The following PBX2 variants were observed in gnomAD, a reference collection of about 807,000 sequenced individuals.
PBX2 encodes the protein PBX homeobox 2.
Under a neutral mutation model 46.5 loss-of-function variants are expected in PBX2, and 10 were observed. The ratio of observed to expected loss-of-function variants is 0.21; its 90% CI spans 0.13 to 0.36. PBX2 has a LOEUF of 0.36. PBX2 is among the 10% of genes least tolerant of loss of function. The pLI, the probability that PBX2 is intolerant of heterozygous loss-of-function variation, is 1.00. For missense variants in PBX2, 392 were observed against 580.5 expected, an observed-to-expected ratio of 0.68 and a Z score of 3.34; for synonymous variants, 160 against 222.5, an observed-to-expected ratio of 0.72 and a Z score of 2.50.
Position 32,187,887 on chromosome 6 carries a change from C to T in PBX2, c.734+79G>A. On this transcript the variant is annotated intron_variant, in intron 4 of 8. Transcript: ENST00000375050. The surrounding 1 kb of genome is among the most constrained non-coding windows in gnomAD (Gnocchi z 7.7). ...CATTGTCATGGAGTACCATGTTGTG[C>T]AGCATGGCAGCTCAGGGTCTTGGAG... 1 of 1,537,154 alleles carries T rather than the reference C, an allele frequency of 6.5e-7. No homozygotes were observed. The highest frequency in any genetic ancestry group is 8.8e-7 in the Non-Finnish European group (1 of 1,136,802).
In PBX2 at chr6:32,186,339, C is replaced by T. The variant is rs541749455; in HGVS notation, c.*43G>A. On this transcript the variant is annotated 3_prime_UTR_variant, in exon 9 of 9. Transcript: ENST00000375050. The surrounding 1 kb of genome is among the most constrained non-coding windows in gnomAD (Gnocchi z 4.2). ...CTGGAAGCCTGCGTCCTCTTCAAGT[C>T]GCCTTGTGAGAGCCCCCACCCCTGT... 7.0e-6 allele frequency: 10 copies of T among 1,421,542 alleles called. No individual in the cohort carries two copies. Among genetic ancestry groups the T allele is most frequent in the South Asian group, 3.5e-5 (3 of 86,062 alleles). The allele number at this position is 1,421,542 out of a possible 1,614,324, so 88.1% of individuals were successfully genotyped here.
Position 32,187,361 on chromosome 6 carries a change from T to C in PBX2, c.905A>G (p.Tyr302Cys), listed in dbSNP as rs976556563. 6.2e-7 allele frequency: 1 copy of C among 1,613,088 alleles called. No individual in the cohort carries two copies. The highest frequency in any genetic ancestry group is 1.6e-4 in the Middle Eastern group (1 of 6,062). Residue 302 changes from tyrosine to cysteine, a missense_variant, in exon 6 of 9, where the codon TAT (tyrosine) becomes TGT (cysteine). By Grantham distance (194) the Tyr-to-Cys change is radical. Transcript: ENST00000375050. This position sits in a 1 kb window ranked among gnomAD's most constrained non-coding sequence, Gnocchi z 7.7. ...SNWFGNKRIRYKKNIGKFQEE... is the reference protein window; with the variant it reads ...SNWFGNKRIRCKKNIGKFQEE... Reference sequence around the variant, plus strand: ...TTGGAACTTTCCGATGTTTTTCTTATAGCGAATCCTCTTGTTGCCAAACCA... The same window carrying C: ...TTGGAACTTTCCGATGTTTTTCTTACAGCGAATCCTCTTGTTGCCAAACCA...
Position 32,186,540 on chromosome 6 carries a change from A to G in PBX2, c.1200+64T>C. ...GGGAACCCTGTGTGGGCACAACATT[A>G]CTAGGGAAAATGCCCCTCTGTCCTG... On this transcript the variant is annotated intron_variant, in intron 8 of 8. Transcript: ENST00000375050. This position sits in a 1 kb window ranked among gnomAD's most constrained non-coding sequence, Gnocchi z 4.2. The G allele has an allele frequency of 1.3e-6, 2 of 1,566,048 alleles. No homozygotes were observed. Among genetic ancestry groups the G allele is most frequent in the Non-Finnish European group, 1.8e-6 (2 of 1,136,228 alleles).
Position 32,186,318 on chromosome 6 carries a change from A to T in PBX2, c.*64T>A. On this transcript the variant is annotated 3_prime_UTR_variant, in exon 9 of 9. Coordinates refer to ENST00000375050, the MANE Select transcript of PBX2 (RefSeq NM_002586.5). The surrounding 1 kb of genome is among the most constrained non-coding windows in gnomAD (Gnocchi z 4.2). Reference sequence around the variant, plus strand: ...TCCTGTATTGGGGTTTGTCCTCTGGAAGCCTGCGTCCTCTTCAAGTCGCCT... The same window carrying T: ...TCCTGTATTGGGGTTTGTCCTCTGGTAGCCTGCGTCCTCTTCAAGTCGCCT... 1 of 1,165,116 alleles carries T rather than the reference A, an allele frequency of 8.6e-7. No individual in the cohort carries two copies. Among genetic ancestry groups the T allele is most frequent in the Non-Finnish European group, 1.3e-6 (1 of 784,720 alleles). The allele number at this position is 1,165,116 out of a possible 1,614,324, so 72.2% of individuals were successfully genotyped here. A position where few individuals can be genotyped will look rare whatever the true frequency, so the allele number is the denominator to read the frequency against.
At position 32,188,939 on chromosome 6, in the gene PBX2, G is replaced by A. The variant is rs1190035006; in HGVS notation, c.222-143C>T. 5.9e-6 allele frequency: 4 copies of A among 680,448 alleles called. No homozygotes were observed. The highest frequency in any genetic ancestry group is 1.1e-5 in the Non-Finnish European group (4 of 376,862). 42.2% of individuals were successfully genotyped at this position (680,448 alleles called of 1,614,324 possible). A position where few individuals can be genotyped will look rare whatever the true frequency, so the allele number is the denominator to read the frequency against. ...GTGGAATGAGTTGGGGGTGGAATGA[G>A]GAGTTCTTGGGAAAAGATCAGCTCC... On this transcript the variant is annotated intron_variant, in intron 1 of 8. Transcript: ENST00000375050. This position sits in a 1 kb window ranked among gnomAD's most constrained non-coding sequence, Gnocchi z 6.5.
Position 32,186,473 on chromosome 6 carries a change from G to C in PBX2, c.1202C>G (p.Ala401Gly). 1 of 1,613,232 alleles carries C rather than the reference G, an allele frequency of 6.2e-7. No homozygotes were observed. The highest frequency in any genetic ancestry group is 1.1e-5 in the South Asian group (1 of 91,066). Residue 401 changes from alanine (A) to glycine (G), a missense_variant and splice_region_variant, in exon 9 of 9, where the codon GCA becomes GGA. Coordinates refer to ENST00000375050, the MANE Select transcript of PBX2 (RefSeq NM_002586.5). The surrounding 1 kb of genome is among the most constrained non-coding windows in gnomAD (Gnocchi z 4.2). ...CACAGCCTCTTGCCAGCTGCCATTT[G>C]CCTGAAAGGAGAGACAGAGTACAGA... ...GQMYSPREMR[A>G]NGSWQEAVTP...
chr6:32,186,939 G>A lies in PBX2; in HGVS notation c.1025-38C>T, dbSNP rs777608183. ...GAGAGGGAAGAGTGTAATAGAGCCC[G>A]TGATGGTAGAGGATGAACCACAACT... On this transcript the variant is annotated intron_variant, in intron 6 of 8. Transcript: ENST00000375050. The surrounding 1 kb of genome is among the most constrained non-coding windows in gnomAD (Gnocchi z 4.2). 21 of 1,551,354 alleles carry A rather than the reference G, an allele frequency of 1.4e-5. No homozygotes were observed. Among genetic ancestry groups the A allele is most frequent in the Admixed American group, 3.3e-5 (2 of 59,780 alleles).
At position 32,188,523 on chromosome 6, in the gene PBX2, G is replaced by A. The variant is rs1787249533; in HGVS notation, c.296-19C>T. ...CTGAGGCCTAGCATGCAGGCGAGTG[G>A]ACTTAGGGACCCAGAGACCCCAATA... On this transcript the variant is annotated intron_variant, in intron 2 of 8. Transcript: ENST00000375050. The surrounding 1 kb of genome is among the most constrained non-coding windows in gnomAD (Gnocchi z 6.5). 6.2e-7 allele frequency: 1 copy of A among 1,610,778 alleles called. No individual in the cohort carries two copies. The highest frequency in any genetic ancestry group is 1.7e-5 in the Admixed American group (1 of 59,724).
At position 32,187,894 on chromosome 6, in the gene PBX2, G is replaced by A. The variant is rs1787214261; in HGVS notation, c.734+72C>T. 7.2e-6 allele frequency: 11 copies of A among 1,531,654 alleles called. No homozygotes were observed. Among genetic ancestry groups the A allele is most frequent in the Non-Finnish European group, 8.8e-7 (1 of 1,133,768 alleles). The allele number at this position is 1,531,654 out of a possible 1,614,324, so 94.9% of individuals were successfully genotyped here. ...ATGGAGTACCATGTTGTGCAGCATGGCAGCTCAGGGTCTTGGAGAGGAATG... is the reference window on the plus strand; with the variant it reads ...ATGGAGTACCATGTTGTGCAGCATGACAGCTCAGGGTCTTGGAGAGGAATG... On this transcript the variant is annotated intron_variant, in intron 4 of 8. Coordinates refer to ENST00000375050, the MANE Select transcript of PBX2 (RefSeq NM_002586.5). This position sits in a 1 kb window ranked among gnomAD's most constrained non-coding sequence, Gnocchi z 7.7.
chr6:32,190,112 A>C lies in PBX2; in HGVS notation c.-197T>G. 2.5e-6 allele frequency: 1 copy of C among 402,110 alleles called. No homozygotes were observed. Among genetic ancestry groups the C allele is most frequent in the Non-Finnish European group, 4.4e-6 (1 of 227,300 alleles). 24.9% of individuals were successfully genotyped at this position (402,110 alleles called of 1,614,324 possible). ...ATACCGGCTGGGCCCCCCACAGGAG[A>C]CCCCGGCCCCCGGCGGCGGAGAAAA... On this transcript the variant is annotated 5_prime_UTR_variant, in exon 1 of 9. Transcript: ENST00000375050.
rs1561892869 is a variant in PBX2 at position 32,187,454 on chromosome 6, T to G, written c.871-59A>C. ...TTTGCCTCTGAAGTCCTTCACTGAA[T>G]AAGATGTGAGTGACAGCATTTTTTT... On this transcript the variant is annotated intron_variant, in intron 5 of 8. Coordinates refer to ENST00000375050, the MANE Select transcript of PBX2 (RefSeq NM_002586.5). The surrounding 1 kb of genome is among the most constrained non-coding windows in gnomAD (Gnocchi z 7.7). 2 of 1,570,390 alleles carry G rather than the reference T, an allele frequency of 1.3e-6. No individual in the cohort carries two copies. The highest frequency in any genetic ancestry group is 8.7e-7 in the Non-Finnish European group (1 of 1,151,132).
rs528251044 is a variant in PBX2 at position 32,189,144 on chromosome 6, A to G, written c.222-348T>C. The G allele has an allele frequency of 4.8e-6, 2 of 412,642 alleles. No homozygotes were observed. Among genetic ancestry groups the G allele is most frequent in the Admixed American group, 3.6e-5 (1 of 27,628 alleles). The allele number at this position is 412,642 out of a possible 1,614,324, so 25.6% of individuals were successfully genotyped here. A position where few individuals can be genotyped will look rare whatever the true frequency, so the allele number is the denominator to read the frequency against. ...GAGAGAGACAGAGGCTGGGGTTGAGAAGAGTCAGAGTTTGAGGTGGCAGAG... is the reference window on the plus strand; with the variant it reads ...GAGAGAGACAGAGGCTGGGGTTGAGGAGAGTCAGAGTTTGAGGTGGCAGAG... On this transcript the variant is annotated intron_variant, in intron 1 of 8. Coordinates refer to ENST00000375050, the MANE Select transcript of PBX2 (RefSeq NM_002586.5). This position sits in a 1 kb window ranked among gnomAD's most constrained non-coding sequence, Gnocchi z 4.7.
At position 32,188,712 on chromosome 6, in the gene PBX2, G is replaced by A. The variant is rs2022059; in HGVS notation, c.295+11C>T. 4 of 1,612,120 alleles carry A rather than the reference G, an allele frequency of 2.5e-6. No homozygotes were observed. Among genetic ancestry groups the A allele is most frequent in the South Asian group, 1.1e-5 (1 of 91,074 alleles). ...TCCCAGAGTTGAGCAATCCGGGGGG[G>A]GCCCACATACCAGTTTTCTCCTTGA... On this transcript the variant is annotated intron_variant, in intron 2 of 8. Coordinates refer to ENST00000375050, the MANE Select transcript of PBX2 (RefSeq NM_002586.5). The surrounding 1 kb of genome is among the most constrained non-coding windows in gnomAD (Gnocchi z 6.5).
rs757828985 is a variant in PBX2 at position 32,186,607 on chromosome 6, C to T, written c.1197G>A (p.Met399Ile). The T allele has an allele frequency of 6.6e-5, 107 of 1,609,224 alleles. No individual in the cohort carries two copies. Among genetic ancestry groups the T allele is most frequent in the Non-Finnish European group, 9.0e-5 (106 of 1,175,714 alleles). ...GGGQMYSPRE[M>I]RANGSWQEAV... ...AGGAGCTTCAGGATCCACTCACCCTCATTTCCCGTGGGCTGTACATCTGGC... is the reference window on the plus strand; with the variant it reads ...AGGAGCTTCAGGATCCACTCACCCTTATTTCCCGTGGGCTGTACATCTGGC... Residue 399 changes from methionine (M) to isoleucine (I), a missense_variant, in exon 8 of 9, where the codon ATG (methionine) becomes ATA (isoleucine). Physicochemically the swap from Met to Ile is conservative, Grantham distance 10. Coordinates refer to ENST00000375050, the MANE Select transcript of PBX2 (RefSeq NM_002586.5). The surrounding 1 kb of genome is among the most constrained non-coding windows in gnomAD (Gnocchi z 4.2).
chr6:32,186,587 C>T lies in PBX2; in HGVS notation c.1200+17G>A. 1 of 1,600,000 alleles carries T rather than the reference C, an allele frequency of 6.3e-7. No homozygotes were observed. Among genetic ancestry groups the T allele is most frequent in the Non-Finnish European group, 8.6e-7 (1 of 1,167,302 alleles). ...CCTGTGAGAACTGGACAGAGAGGAG[C>T]TTCAGGATCCACTCACCCTCATTTC... On this transcript the variant is annotated intron_variant, in intron 8 of 8. Transcript: ENST00000375050. The surrounding 1 kb of genome is among the most constrained non-coding windows in gnomAD (Gnocchi z 4.2).
In PBX2 at chr6:32,187,884, G is replaced by A; in HGVS notation, c.734+82C>T. ...CACCATTGTCATGGAGTACCATGTTGTGCAGCATGGCAGCTCAGGGTCTTG... is the reference window on the plus strand; with the variant it reads ...CACCATTGTCATGGAGTACCATGTTATGCAGCATGGCAGCTCAGGGTCTTG... On this transcript the variant is annotated intron_variant, in intron 4 of 8. Coordinates refer to ENST00000375050, the MANE Select transcript of PBX2 (RefSeq NM_002586.5). This position sits in a 1 kb window ranked among gnomAD's most constrained non-coding sequence, Gnocchi z 7.7. 1 of 1,543,120 alleles carries A rather than the reference G, an allele frequency of 6.5e-7. No homozygotes were observed. Among genetic ancestry groups the A allele is most frequent in the Non-Finnish European group, 8.8e-7 (1 of 1,140,038 alleles).
In PBX2 at chr6:32,187,547, T is replaced by TTTGGAGGA; in HGVS notation, c.870+99_870+100insTCCTCCAA. 6.6e-7 allele frequency: 1 copy of TTTGGAGGA among 1,519,848 alleles called. No individual in the cohort carries two copies. The highest frequency in any genetic ancestry group is 1.2e-5 in the South Asian group (1 of 80,436). The allele number at this position is 1,519,848 out of a possible 1,614,324, so 94.1% of individuals were successfully genotyped here. A position where few individuals can be genotyped will look rare whatever the true frequency, so the allele number is the denominator to read the frequency against. On this transcript the variant is annotated intron_variant, in intron 5 of 8. Coordinates refer to ENST00000375050, the MANE Select transcript of PBX2 (RefSeq NM_002586.5). The surrounding 1 kb of genome is among the most constrained non-coding windows in gnomAD (Gnocchi z 7.7). The stretch of plus-strand genomic sequence containing the variant: ...TCTCCAATTCAAGTGATCCTCCCAC[T>TTTGGAGGA]TCAGCCTCCCTAGTAGCTGGGATTA...
rs1787125236 is a variant in PBX2 at position 32,186,188 on chromosome 6, C to T, written c.*194G>A. On this transcript the variant is annotated 3_prime_UTR_variant, in exon 9 of 9. Transcript: ENST00000375050. This position sits in a 1 kb window ranked among gnomAD's most constrained non-coding sequence, Gnocchi z 4.2. ...AAAAGGGAGAGACAGACCCCACACT[C>T]CCCTTAGAGGCCCCATTCTTCCTGC... 1.7e-6 allele frequency: 1 copy of T among 598,706 alleles called. No homozygotes were observed. Among genetic ancestry groups the T allele is most frequent in the African/African-American group, 1.9e-5 (1 of 53,684 alleles). 37.1% of individuals were successfully genotyped at this position (598,706 alleles called of 1,614,324 possible).
rs1225733675 is a variant in PBX2, at chr6:32,188,409, CGG to C, written c.389_390del (p.Pro130ArgfsTer23). The stretch of plus-strand genomic sequence containing the variant: ...GCTGCTGCTGAGCCGCCCCCTTTCT[CGG>C]GCCCAGCCACACCCTCTGCCAGAAG... Reference protein sequence around the residue: ...NMLLAEGVAGPEKGGGSAAAA... With the variant: ...NMLLAEGVAGXEKGGGSAAAA... On this transcript the variant is annotated frameshift_variant, in exon 3 of 9. Transcript: ENST00000375050. LOFTEE classifies it high-confidence loss of function. The surrounding 1 kb of genome is among the most constrained non-coding windows in gnomAD (Gnocchi z 6.5). 6.2e-7 allele frequency: 1 copy of C among 1,614,010 alleles called. No individual in the cohort carries two copies. Among genetic ancestry groups the C allele is most frequent in the Admixed American group, 1.7e-5 (1 of 60,014 alleles).
Sources: allele counts gnomAD v4.1 joint callset, GRCh38; gene constraint gnomAD v4.1.1; non-coding constraint Gnocchi (gnomAD v3.1); transcripts MANE v1.5; gene names NCBI Gene and HGNC (gene_info 2026-07-23, HGNC 2026-07-21).